The following KHDRBS2 variants were observed in gnomAD, a reference collection of about 807,000 sequenced individuals.
The protein encoded by KHDRBS2 is KH domain-containing, RNA-binding, signal transduction-associated protein 2.
Under a neutral mutation model 44.3 loss-of-function variants are expected in KHDRBS2, and 26 were observed. That is an observed-to-expected ratio of 0.59 (90% CI 0.43 to 0.81). The LOEUF (loss-of-function observed/expected upper bound fraction) is 0.81, where lower values mean the gene tolerates loss of function less well. Among genes scored for constraint, KHDRBS2 ranks in the 40% least tolerant of loss-of-function variants. KHDRBS2 has a pLI of 0.00. For synonymous variants in KHDRBS2, 194 were observed against 151.1 expected, an observed-to-expected ratio of 1.28 and a Z score of -2.08; for missense variants, 476 against 433.1, an observed-to-expected ratio of 1.10 and a Z score of -0.88.
At chr6:61,631,295 A>T in the KHDRBS2 span, among the ~76,000 whole-genome samples, 2 of 133,222 alleles carry the variant, frequency 1.5e-5, no homozygotes, top group African/African-American at 2.9e-5. Flanking sequence ...GGGGACACAG[A>T]CGAATAAGCC....
At chr6:61,594,222 A>T in the KHDRBS2 span, among the ~76,000 whole-genome samples, 1 of 146,996 alleles carries the variant, frequency 6.8e-6, no homozygotes, top group African/African-American at 2.5e-5. Context: ...AAAAGAAAAC[A>T]TTAAAAAATG....
At chr6:61,619,185 C>A in the KHDRBS2 span, among the ~76,000 whole-genome samples, 1 of 151,896 alleles carries the variant, frequency 6.6e-6, no homozygotes, top group African/African-American at 2.4e-5. Context: ...TATATAGTGG[C>A]GAATTCTGAG....
At chr6:61,715,534 C>T (rs1387910636) in intron 7 of KHDRBS2, among the ~76,000 whole-genome samples, 1 of 151,892 alleles carries the variant, frequency 6.6e-6, no homozygotes, top group Non-Finnish European at 1.5e-5. Context: ...GAGGTCCTTG[C>T]CTAAGTTTCA....
intron 2 of KHDRBS2, among the ~76,000 whole-genome samples, chr6:62,055,472 C>T (rs148165192): frequency 3.9e-5 from 6 of 152,100 alleles, no homozygotes; most frequent in South Asian, 2.1e-4. Context: ...TACTTATATA[C>T]GCACCTGTGG....
intron 4 of KHDRBS2, among the ~76,000 whole-genome samples, chr6:61,938,996 G>T (rs1191245512): frequency 3.3e-5 from 5 of 152,116 alleles, no homozygotes; most frequent in Non-Finnish European, 5.9e-5. Flanking sequence ...CCTCTTTAGA[G>T]ATATTTATCA....
At chr6:62,053,232 T>G (rs1431062734) in intron 2 of KHDRBS2, among the ~76,000 whole-genome samples, 2 of 151,920 alleles carry the variant, frequency 1.3e-5, no homozygotes, top group Non-Finnish European at 2.9e-5. Context: ...AGGAAATGTA[T>G]CATTCCAATC....
At chr6:61,623,290 GT>G in the KHDRBS2 span, among the ~76,000 whole-genome samples, 1 of 152,172 alleles carries the variant, frequency 6.6e-6, no homozygotes, top group African/African-American at 2.4e-5. Context: ...AGAACAGACT[GT>G]AAAGGTTCCT....
At chr6:62,218,617 T>C (rs1411089870) in intron 1 of KHDRBS2, among the ~76,000 whole-genome samples, 1 of 151,802 alleles carries the variant, frequency 6.6e-6, no homozygotes, top group Non-Finnish European at 1.5e-5. Flanking sequence ...TCAAACAGAA[T>C]TTCCAGAAAA....
intron 4 of KHDRBS2, among the ~76,000 whole-genome samples, chr6:61,905,484 T>C (rs1286014711): frequency 1.3e-5 from 2 of 152,170 alleles, no homozygotes; most frequent in African/African-American, 4.8e-5. Context: ...CATTCATATT[T>C]GATTCGAATA....
the KHDRBS2 span, among the ~76,000 whole-genome samples, chr6:61,659,606 C>T: frequency 6.6e-6 from 1 of 151,638 alleles, no homozygotes; most frequent in Admixed American, 6.6e-5. Context: ...AACTAAAACC[C>T]AAATGAATTT....
chr6:62,285,994 C>G lies in KHDRBS2; in HGVS notation c.-46G>C. 8.2e-7 allele frequency: 1 copy of G among 1,221,636 alleles called. No individual in the cohort carries two copies. The highest frequency in any genetic ancestry group is 1.2e-5 in the South Asian group (1 of 81,030). The allele number at this position is 1,221,636 out of a possible 1,614,324, so 75.7% of individuals were successfully genotyped here. On this transcript the variant is annotated 5_prime_UTR_variant, in exon 1 of 9. Coordinates refer to ENST00000281156, the MANE Select transcript of KHDRBS2 (RefSeq NM_152688.4). ...CCCGGGCGAAGCGCGAGGTTCCGCT[C>G]GCTCGGACGCAGGCAGGGTCTTGGG...
chr6:61,710,366 C>T (rs748687294), intron 7 of KHDRBS2, among the ~76,000 whole-genome samples: 3 of 151,644 alleles, frequency 2.0e-5, no homozygotes, highest in African/African-American at 2.4e-5. Context: ...TCTTTGTTTA[C>T]CATCACTGCG....
chr6:61,580,241 C>G, the KHDRBS2 span, among the ~76,000 whole-genome samples: 1 of 152,148 alleles, frequency 6.6e-6, no homozygotes, highest in Non-Finnish European at 1.5e-5. Context: ...GCCAGCTGGG[C>G]TTCTGGCATG....
intron 6 of KHDRBS2, among the ~76,000 whole-genome samples, chr6:61,803,766 G>C (rs575820171): frequency 1.6e-4 from 24 of 152,202 alleles, no homozygotes; most frequent in African/African-American, 5.1e-4. Flanking sequence ...TTCACAGGGT[G>C]GCAGGAGAGA....
chr6:62,166,565 T>C (rs1481139448), intron 2 of KHDRBS2, among the ~76,000 whole-genome samples: 1 of 152,074 alleles, frequency 6.6e-6, no homozygotes, highest in Admixed American at 6.6e-5. Flanking sequence ...TTAATAAAAG[T>C]ATTAATAATC....
At chr6:62,077,765 AG>A (rs1241393591) in intron 2 of KHDRBS2, among the ~76,000 whole-genome samples, 1 of 152,038 alleles carries the variant, frequency 6.6e-6, no homozygotes, top group Non-Finnish European at 1.5e-5. Flanking sequence ...GACACCTGTC[AG>A]CTGGACACAT....
the KHDRBS2 span, among the ~76,000 whole-genome samples, chr6:61,562,579 A>C: frequency 6.6e-6 from 1 of 152,188 alleles, no homozygotes; most frequent in Non-Finnish European, 1.5e-5. Context: ...AGGAAACCAG[A>C]TAGGCCTTTT....
At chr6:62,071,091 G>A (rs1408819126) in intron 2 of KHDRBS2, among the ~76,000 whole-genome samples, 1 of 152,198 alleles carries the variant, frequency 6.6e-6, no homozygotes, top group Non-Finnish European at 1.5e-5. Flanking sequence ...GATGGCAAGT[G>A]ATGATGAGCA....
At chr6:61,785,285 T>A (rs1310379489) in intron 6 of KHDRBS2, among the ~76,000 whole-genome samples, 2 of 152,060 alleles carry the variant, frequency 1.3e-5, no homozygotes, top group East Asian at 3.9e-4. Flanking sequence ...AAGATACCAC[T>A]TTTTTGGCCT....
Sources: gnomAD v4.1 joint callset for allele counts (sites outside exome capture counted in the v4.1 genomes callset) on GRCh38, gnomAD v4.1.1 for gene constraint, MANE v1.5 for transcripts, NCBI Gene and HGNC (gene_info 2026-07-23, HGNC 2026-07-21) for gene names.